KRT73: variants seen among roughly 807,000 people sequenced by gnomAD.
KRT73 encodes keratin, type II cytoskeletal 73.
A neutral mutation model predicts 47.2 loss-of-function variants in KRT73; 44 were observed. That is an observed-to-expected ratio of 0.93 (90% CI 0.73 to 1.20). The LOEUF is 1.20. Among genes scored for constraint, KRT73 ranks in the 50% most tolerant of loss-of-function variants. The pLI is 0.00. For missense variants in KRT73, 713 were observed against 704.5 expected (o/e 1.01, Z -0.14); for synonymous variants, 285 against 291.3 (o/e 0.98, Z 0.22).
chr12:52,611,306 G>T lies in KRT73; in HGVS notation c.1008C>A (p.Ala336=). 1 of 1,614,058 alleles carries T rather than the reference G, an allele frequency of 6.2e-7. No homozygotes were observed. Residue 336 remains alanine (A), a synonymous_variant, in exon 6 of 9, where the codon GCC becomes GCA. Coordinates refer to ENST00000305748, the MANE Select transcript of KRT73 (RefSeq NM_175068.3). ...GTTTCAGGTCATCCCCATGCCGGCC[G>T]GCTGCTAGCTGCAGCTCCTGGAACT... ...QTKFQELQLA[A]GRHGDDLKHT...
At chr12:52,612,374 G>T (rs1333692368) in intron 5 of KRT73, 1 of 152,214 alleles carries the variant, frequency 6.6e-6, no homozygotes, top group Non-Finnish European at 1.5e-5. Context: ...CTCAGAATGT[G>T]GCTCAAGGGG....
rs767609985 is a variant in KRT73 at position 52,616,261 on chromosome 12, G to A, written c.567C>T (p.Asn189=). Residue 189 remains asparagine (N), a synonymous_variant, in exon 2 of 9, where the codon AAC becomes AAT. Coordinates refer to ENST00000305748, the MANE Select transcript of KRT73 (RefSeq NM_175068.3). ...ACAGCGTCTCCAGCTGCTTCCGCAG[G>A]TTGCTGATGTAGCCCTCAAGGATGG... ...LEPILEGYIS[N]LRKQLETLSG... is the part of the protein sequence containing the mutation. The A allele has an allele frequency of 2.5e-6, 4 of 1,614,152 alleles. No homozygotes were observed. The highest frequency in any genetic ancestry group is 1.7e-6 in the Non-Finnish European group (2 of 1,180,030).
At position 52,613,673 on chromosome 12, in the gene KRT73, G is replaced by C; in HGVS notation, c.984+15C>G. ...GGCCCTGCATACTTCACTATGGGGA[G>C]TTTTGCGGCCTCACCTTGGTCTGGT... is the stretch of plus-strand genomic sequence containing the variant. On this transcript the variant is annotated intron_variant, in intron 5 of 8. Transcript: ENST00000305748. 1 of 1,613,906 alleles carries C rather than the reference G, an allele frequency of 6.2e-7. No individual in the cohort carries two copies. The highest frequency in any genetic ancestry group is 8.5e-7 in the Non-Finnish European group (1 of 1,179,856).
At chr12:52,609,317 C>G in intron 7 of KRT73, 36 bp from the exon 8 acceptor site, 1 of 1,590,634 alleles carries the variant, frequency 6.3e-7, no homozygotes, top group Non-Finnish European at 8.6e-7. Flanking sequence ...GTCTGAATCA[C>G]GTGGACTCCC....
chr12:52,616,174 G>A lies in KRT73; in HGVS notation c.654C>T (p.Tyr218=). ...AGTGGCGTCCTGCTCACCTCTTCTT[G>A]TAGTCCTCCACCACTTCGCGCACGC... ...LRSVREVVED[Y]KKRYEEEINK... Residue 218 remains tyrosine, a synonymous_variant, in exon 2 of 9, where the codon TAC becomes TAT. Coordinates refer to ENST00000305748, the MANE Select transcript of KRT73 (RefSeq NM_175068.3). 7 of 1,614,074 alleles carry A rather than the reference G, an allele frequency of 4.3e-6. No individual in the cohort carries two copies. The highest frequency in any genetic ancestry group is 5.9e-6 in the Non-Finnish European group (7 of 1,179,960).
upstream of KRT73, among the ~76,000 whole-genome samples, chr12:52,620,779 T>C (rs773977371): frequency 3.3e-5 from 5 of 152,174 alleles, no homozygotes; most frequent in Non-Finnish European, 7.3e-5. Context: ...ACTTTCCTAA[T>C]CCAATCACAC....
the KRT73 span, among the ~76,000 whole-genome samples, chr12:52,626,596 G>C: frequency 6.6e-6 from 1 of 152,130 alleles, no homozygotes; most frequent in East Asian, 1.9e-4. Context: ...AGGGAGGCTG[G>C]GAAATGTCAT....
chr12:52,617,008 A>ATC (rs995016431), intron 1 of KRT73, among the ~76,000 whole-genome samples: 2 of 152,170 alleles, frequency 1.3e-5, no homozygotes, highest in East Asian at 3.9e-4. Flanking sequence ...GTGGTTCCAC[A>ATC]TCACCCTCAG....
At position 52,615,074 on chromosome 12, in the gene KRT73, T is replaced by A. The variant is rs1388150288; in HGVS notation, c.723+205A>T. ...CATGAGTTGGGACTGACTATCCACA[T>A]CTAGGTTCCTGTCCACAGACAAAGT... On this transcript the variant is annotated intron_variant, in intron 3 of 8. Coordinates refer to ENST00000305748, the MANE Select transcript of KRT73 (RefSeq NM_175068.3). 43 of 543,954 alleles carry A rather than the reference T, an allele frequency of 7.9e-5. No homozygotes were observed. The South Asian group carries it at 1.2e-3, about 15-fold the overall frequency. 33.7% of individuals were successfully genotyped at this position (543,954 alleles called of 1,614,324 possible).
chr12:52,624,818 C>CA, the KRT73 span, among the ~76,000 whole-genome samples: 43 of 149,894 alleles, frequency 2.9e-4, no homozygotes, highest in East Asian at 5.9e-4. Flanking sequence ...GACAACAAAA[C>CA]AAAAAAAAAA....
rs764185070 is a variant in KRT73, at chr12:52,613,869, G to GA, written c.820-18dup. 5 of 1,610,818 alleles carry GA rather than the reference G, an allele frequency of 3.1e-6. No individual in the cohort carries two copies. The South Asian group carries it at 4.4e-5, about 14-fold the overall frequency. On this transcript the variant is annotated splice_polypyrimidine_tract_variant and intron_variant, in intron 4 of 8. Transcript: ENST00000305748. ...AGCAGTCTCCTGCAGGGGAAACAAG[G>GA]AAGCATGAAATGCCTTCTGTGACCA...
At position 52,608,320 on chromosome 12, in the gene KRT73, G is replaced by A. The variant is rs758884150; in HGVS notation, c.1499C>T (p.Thr500Ile). 3.0e-5 allele frequency: 49 copies of A among 1,613,888 alleles called. No individual in the cohort carries two copies. The highest frequency in any genetic ancestry group is 3.0e-4 in the South Asian group (27 of 91,036). The stretch of plus-strand genomic sequence containing the variant: ...ACGGGGGCTACAGTTCCCACTGCCA[G>A]TGACACAGCCCCCAGGCAGCATGCT... ...GYSMLPGGCV[T>I]GSGNCSPRGE... Residue 500 changes from threonine to isoleucine, a missense_variant, in exon 9 of 9, where the codon ACT becomes ATT. Coordinates refer to ENST00000305748, the MANE Select transcript of KRT73 (RefSeq NM_175068.3).
In KRT73 at chr12:52,609,275, G is replaced by A. The variant is rs35061049; in HGVS notation, c.1338C>T (p.Ser446=). 62 of 1,613,204 alleles carry A rather than the reference G, an allele frequency of 3.8e-5. No individual in the cohort carries two copies. Among genetic ancestry groups the A allele is most frequent in the South Asian group, 8.8e-5 (8 of 91,030 alleles). ...KLLEGEECRM[S]GEYTNSVSIS... ...TGCTCACGGAGTTGGTATATTCTCCGGACATCCTGCAAGAGAGAAAAGCAC... is the reference window on the plus strand; with the variant it reads ...TGCTCACGGAGTTGGTATATTCTCCAGACATCCTGCAAGAGAGAAAAGCAC... Residue 446 remains serine, a synonymous_variant, in exon 8 of 9, where the codon TCC becomes TCT. Coordinates refer to ENST00000305748, the MANE Select transcript of KRT73 (RefSeq NM_175068.3).
chr12:52,615,810 C>T (rs3858634), intron 2 of KRT73, among the ~76,000 whole-genome samples: 27 of 152,310 alleles, frequency 1.8e-4, no homozygotes, highest in African/African-American at 5.5e-4. Context: ...CCAACAGGAA[C>T]TCCACCTCCT....
Position 52,608,304 on chromosome 12 carries a change from A to G in KRT73, c.1515T>C (p.Cys505=), listed in dbSNP as rs755018661. 1.4e-5 allele frequency: 22 copies of G among 1,613,978 alleles called. No homozygotes were observed. Among genetic ancestry groups the G allele is most frequent in the Middle Eastern group, 1.7e-4 (1 of 6,004 alleles). The change falls in exon 9 of 9, where the codon TGT becomes TGC. Residue 505 remains cysteine (C), a synonymous_variant. Coordinates refer to ENST00000305748, the MANE Select transcript of KRT73 (RefSeq NM_175068.3). Reference sequence around the variant, plus strand: ...TGGTCCTGGCTTCCCCACGGGGGCTACAGTTCCCACTGCCAGTGACACAGC... The same window carrying G: ...TGGTCCTGGCTTCCCCACGGGGGCTGCAGTTCCCACTGCCAGTGACACAGC... ...PGGCVTGSGN[C]SPRGEARTRL...
chr12:52,616,446 A>T, intron 1 of KRT73, 66 bp from the exon 2 acceptor site: 1 of 1,587,806 alleles, frequency 6.3e-7, no homozygotes, highest in South Asian at 1.1e-5. Flanking sequence ...CTTCCTGGAC[A>T]GGAACTGTGT....
At chr12:52,617,033 T>G (rs1291404820) in intron 1 of KRT73, among the ~76,000 whole-genome samples, 5 of 152,174 alleles carry the variant, frequency 3.3e-5, no homozygotes, top group African/African-American at 1.2e-4. Context: ...AAGTCCATAT[T>G]CCTTATCACA....
Position 52,608,083 on chromosome 12 carries a change from A to G in KRT73, c.*113T>C. On this transcript the variant is annotated 3_prime_UTR_variant, in exon 9 of 9. Coordinates refer to ENST00000305748, the MANE Select transcript of KRT73 (RefSeq NM_175068.3). ...AGGAGAAGGAGGAGAGGTCCACAGC[A>G]AAGCAAAGCAAGAAGGAGATGAGGA... 1 of 1,196,608 alleles carries G rather than the reference A, an allele frequency of 8.4e-7. No homozygotes were observed. Among genetic ancestry groups the G allele is most frequent in the Non-Finnish European group, 1.2e-6 (1 of 850,914 alleles). The allele number at this position is 1,196,608 out of a possible 1,614,324, so 74.1% of individuals were successfully genotyped here. A position where few individuals can be genotyped will look rare whatever the true frequency, so the allele number is the denominator to read the frequency against.
At chr12:52,608,971 G>C (rs1299196639) in intron 8 of KRT73, among the ~76,000 whole-genome samples, 1 of 152,202 alleles carries the variant, frequency 6.6e-6, no homozygotes, top group African/African-American at 2.4e-5. Flanking sequence ...GGGGGTGACA[G>C]AAGAGGGGAG....
Sources: gnomAD v4.1 joint callset for allele counts (sites outside exome capture counted in the v4.1 genomes callset) on GRCh38, gnomAD v4.1.1 for gene constraint, MANE v1.5 for transcripts, NCBI Gene and HGNC (gene_info 2026-07-23, HGNC 2026-07-21) for gene names.